MGAT5: variants seen among roughly 807,000 people sequenced by gnomAD.
MGAT5 encodes alpha-1,6-mannosylglycoprotein 6-beta-N-acetylglucosaminyltransferase, also known as alpha-1,6-mannosylglycoprotein 6-beta-N-acetylglucosaminyltransferase A.
In MGAT5, 30 loss-of-function variants were observed where a neutral mutation model predicts 94.3. That is an observed-to-expected ratio of 0.32 (90% CI 0.24 to 0.43). The LOEUF (loss-of-function observed/expected upper bound fraction) is 0.43, where lower values mean the gene tolerates loss of function less well. MGAT5 is among the 20% of genes least tolerant of loss of function. MGAT5 has a pLI of 1.00. For synonymous variants in MGAT5, 310 were observed against 322.9 expected, an observed-to-expected ratio of 0.96 and a Z score of 0.43; for missense variants, 691 against 905.5, an observed-to-expected ratio of 0.76 and a Z score of 3.04.
intron 2 of MGAT5, among the ~76,000 whole-genome samples, chr2:134,290,594 G>C (rs1402830642): frequency 1.3e-5 from 2 of 152,148 alleles, no homozygotes; most frequent in Admixed American, 6.5e-5. Context: ...TTCTGTGTTG[G>C]ACATGCATCC....
chr2:134,387,334 T>TATA (rs1682093771), intron 10 of MGAT5, among the ~76,000 whole-genome samples: 11 of 27,990 alleles, frequency 3.9e-4, no homozygotes, highest in African/African-American at 8.2e-4. Flanking sequence ...ATATATATAT[T>TATA]TTTTTTTTTT....
intron 1 of MGAT5, among the ~76,000 whole-genome samples, chr2:134,152,315 TCACGCCCTATGGGACCCGCCCACCGCC>T (rs1329529956): frequency 3.5e-3 from 328 of 93,744 alleles, no homozygotes; most frequent in African/African-American, 0.01. Context: ...CGCTTATCAC[TCACGCCCTATGGGACCCGCCCACCGCC>T]ATGGGACCTC....
chr2:134,199,302 T>G (rs62165713), intron 1 of MGAT5, among the ~76,000 whole-genome samples: 17,112 of 152,012 alleles, frequency 0.11, 1,002 homozygotes, highest in Middle Eastern at 0.15. Flanking sequence ...CTCAGAAGCA[T>G]GTACATATAT....
intron 15 of MGAT5, among the ~76,000 whole-genome samples, chr2:134,442,158 G>A (rs1037297687): frequency 1.3e-5 from 2 of 152,206 alleles, no homozygotes; most frequent in Non-Finnish European, 2.9e-5. Flanking sequence ...TGGGAGTGTT[G>A]TATTTGCATA....
intron 10 of MGAT5, among the ~76,000 whole-genome samples, chr2:134,385,427 C>A (rs1412281848): frequency 6.6e-6 from 1 of 152,134 alleles, no homozygotes; most frequent in African/African-American, 2.4e-5. Context: ...CATGTATATA[C>A]CACAATATAT....
intron 12 of MGAT5, among the ~76,000 whole-genome samples, chr2:134,414,792 T>C (rs1221246354): frequency 6.6e-6 from 1 of 152,178 alleles, no homozygotes; most frequent in Non-Finnish European, 1.5e-5. Flanking sequence ...GAATCACGAA[T>C]GTATTCTCTG....
intron 1 of MGAT5, among the ~76,000 whole-genome samples, chr2:134,260,702 C>CTTTTTTTT (rs3838494): frequency 2.4e-5 from 3 of 127,068 alleles, no homozygotes; most frequent in South Asian, 2.5e-4. Context: ...TTTTCTTTTT[C>CTTTTTTTT]TTTTTTTTTT....
rs1267714630 is a variant in MGAT5 at position 134,315,421 on chromosome 2, T to C, written c.407-2108T>C. On this transcript the variant is annotated intron_variant, in intron 2 of 15. Transcript: ENST00000281923. ...GCAAAATCAGAATGAAAAATAGTGA[T>C]AGGAATAATGGTCATTGCAAAATAC... 3.9e-5 allele frequency among the ~76,000 whole-genome samples: 6 copies of C among 152,298 alleles called. No homozygotes were observed. The East Asian group carries it at 1.2e-3, about 29-fold the overall frequency.
At chr2:134,384,461 A>G (rs1681840920) in intron 10 of MGAT5, among the ~76,000 whole-genome samples, 1 of 152,216 alleles carries the variant, frequency 6.6e-6, no homozygotes, top group Non-Finnish European at 1.5e-5. Flanking sequence ...CCCTTTGTAC[A>G]TAAGAACCAA....
rs763608726 is a variant in MGAT5, at chr2:134,264,017, G to GTTTTTTT, written c.242-6353_242-6347dup. 5.0e-4 allele frequency among the ~76,000 whole-genome samples: 55 copies of GTTTTTTT among 108,936 alleles called. 3 individuals carry two copies. The highest frequency in any genetic ancestry group is 1.7e-3 in the African/African-American group (45 of 25,840). The allele number at this position is 108,936 out of a possible 152,430, so 71.5% of individuals were successfully genotyped here. A position where few individuals can be genotyped will look rare whatever the true frequency, so the allele number is the denominator to read the frequency against. On this transcript the variant is annotated intron_variant, in intron 1 of 15. Transcript: ENST00000281923. ...ATACTGCATTTCCTTATGCCATTAG[G>GTTTTTTT]TTTTTTTTTTTTTTTTTTTTTTGAG...
At chr2:134,292,065 A>G (rs183345604) in intron 2 of MGAT5, among the ~76,000 whole-genome samples, 1 of 151,978 alleles carries the variant, frequency 6.6e-6, no homozygotes, top group Non-Finnish European at 1.5e-5. Context: ...TCTAATTTTT[A>G]AAAGGGTTGG....
At chr2:134,271,635 T>C (rs1684033221) in intron 2 of MGAT5, among the ~76,000 whole-genome samples, 2 of 152,244 alleles carry the variant, frequency 1.3e-5, no homozygotes, top group Admixed American at 6.5e-5. Context: ...GTGGTTGTTA[T>C]TACCTTTTTT....
intron 2 of MGAT5, among the ~76,000 whole-genome samples, chr2:134,307,748 G>A (rs1008352990): frequency 2.0e-5 from 3 of 152,082 alleles, no homozygotes; most frequent in Non-Finnish European, 4.4e-5. Context: ...TGCTGTCCTG[G>A]TAAAACACTC....
intron 1 of MGAT5, among the ~76,000 whole-genome samples, chr2:134,218,103 C>T (rs1164970740): frequency 6.6e-6 from 1 of 151,978 alleles, no homozygotes; most frequent in Non-Finnish European, 1.5e-5. Context: ...AAGTGAGTCA[C>T]AGTGGTATAG....
At chr2:134,219,235 C>T (rs1680638675) in intron 1 of MGAT5, among the ~76,000 whole-genome samples, 1 of 152,126 alleles carries the variant, frequency 6.6e-6, no homozygotes, top group African/African-American at 2.4e-5. Context: ...GAAGAGAGCA[C>T]ATGTGGCAGG....
chr2:134,357,291 T>G (rs1397949930), intron 9 of MGAT5, among the ~76,000 whole-genome samples: 1 of 152,226 alleles, frequency 6.6e-6, no homozygotes, highest in Non-Finnish European at 1.5e-5. Context: ...CTCACATTTT[T>G]GGGCTTTCAA....
intron 1 of MGAT5, among the ~76,000 whole-genome samples, chr2:134,222,743 C>T (rs899323930): frequency 2.6e-5 from 4 of 152,264 alleles, no homozygotes; most frequent in African/African-American, 9.6e-5. Context: ...TGGCTGAGGG[C>T]TTTAAGAGTC....
chr2:134,150,376 C>T (rs1217853445), intron 1 of MGAT5, among the ~76,000 whole-genome samples: 1 of 152,184 alleles, frequency 6.6e-6, no homozygotes, highest in Non-Finnish European at 1.5e-5. Flanking sequence ...AAATTGTCCC[C>T]TGGTTTCTGC....
At chr2:134,254,711 C>T in intron 1 of MGAT5, 67 bp downstream of exon 1, 9 of 1,584,110 alleles carry the variant, frequency 5.7e-6, no homozygotes, top group South Asian at 1.2e-5. Flanking sequence ...CTAGAAGCTC[C>T]CAGATATGGT....
Sources: gnomAD v4.1 joint callset for allele counts (sites outside exome capture counted in the v4.1 genomes callset) on GRCh38, gnomAD v4.1.1 for gene constraint, MANE v1.5 for transcripts, NCBI Gene and HGNC (gene_info 2026-07-23, HGNC 2026-07-21) for gene names.